GALNT17: variants seen among roughly 807,000 people sequenced by gnomAD.
GALNT17 encodes the protein polypeptide N-acetylgalactosaminyltransferase 17.
GALNT17 carries 29 observed loss-of-function variants against 63.7 expected under a neutral mutation model. That is an observed-to-expected ratio of 0.46 (90% CI 0.34 to 0.62). GALNT17 has a LOEUF of 0.62. GALNT17 is among the 20% of genes least tolerant of loss of function. GALNT17 has a pLI of 0.01. For missense variants in GALNT17, 603 were observed against 799.6 expected (o/e 0.75, Z 2.97); for synonymous variants, 305 against 318.3 (o/e 0.96, Z 0.45).
chr7:71,682,261 C>T (rs966042402), intron 9 of GALNT17, among the ~76,000 whole-genome samples: 2 of 152,194 alleles, frequency 1.3e-5, no homozygotes, highest in East Asian at 1.9e-4. Flanking sequence ...TCAGGAAGCA[C>T]GTGGGTGAAC....
chr7:71,488,530 T>C (rs1219652360), intron 5 of GALNT17, among the ~76,000 whole-genome samples: 1 of 149,722 alleles, frequency 6.7e-6, no homozygotes, highest in African/African-American at 2.5e-5. Flanking sequence ...CAATCCCAGC[T>C]CCACCCCCAG....
At chr7:71,432,769 G>C (rs1054294981) in intron 5 of GALNT17, among the ~76,000 whole-genome samples, 1 of 152,126 alleles carries the variant, frequency 6.6e-6, no homozygotes, top group Non-Finnish European at 1.5e-5. Context: ...GGAGTTCAAG[G>C]CCAGCTTGGA....
intron 1 of GALNT17, among the ~76,000 whole-genome samples, chr7:71,163,429 T>G (rs77209860): frequency 0.01 from 1,546 of 152,250 alleles, 21 homozygotes; most frequent in African/African-American, 0.034. Flanking sequence ...TTTGATAAAA[T>G]GTTCTTGGTG....
At chr7:71,381,560 C>G (rs1251947327) in intron 2 of GALNT17, among the ~76,000 whole-genome samples, 1 of 152,060 alleles carries the variant, frequency 6.6e-6, no homozygotes, top group African/African-American at 2.4e-5. Flanking sequence ...GGGCGGATCA[C>G]CTGAGGTCAG....
At chr7:71,152,902 G>A (rs1336099737) in intron 1 of GALNT17, among the ~76,000 whole-genome samples, 1 of 152,146 alleles carries the variant, frequency 6.6e-6, no homozygotes, top group Non-Finnish European at 1.5e-5. Context: ...CAAAGTGCTA[G>A]GATTACAGGT....
intron 2 of GALNT17, among the ~76,000 whole-genome samples, chr7:71,358,032 C>T (rs996092486): frequency 5.9e-5 from 9 of 152,172 alleles, no homozygotes; most frequent in African/African-American, 1.7e-4. Context: ...AGCGGCAACC[C>T]GCTCGGGTCC....
At chr7:71,512,630 T>G (rs1482981179) in intron 5 of GALNT17, among the ~76,000 whole-genome samples, 1 of 152,188 alleles carries the variant, frequency 6.6e-6, no homozygotes, top group African/African-American at 2.4e-5. Flanking sequence ...TGAGAGACCA[T>G]TGAGGCTGGA....
At chr7:71,255,070 A>G (rs1211213773) in intron 1 of GALNT17, among the ~76,000 whole-genome samples, 2 of 152,236 alleles carry the variant, frequency 1.3e-5, no homozygotes, top group Admixed American at 6.5e-5. Context: ...ACATTTCCCC[A>G]GTGGATTCCT....
chr7:71,485,173 A>G (rs1365451731), intron 5 of GALNT17, among the ~76,000 whole-genome samples: 2 of 150,682 alleles, frequency 1.3e-5, no homozygotes, highest in East Asian at 1.9e-4. Flanking sequence ...TGGCACCATC[A>G]TAGCTCACTG....
intron 1 of GALNT17, among the ~76,000 whole-genome samples, chr7:71,172,138 GAGA>G (rs895910028): frequency 3.9e-5 from 6 of 152,280 alleles, no homozygotes; most frequent in African/African-American, 1.4e-4. Context: ...GCGAAGAAGT[GAGA>G]AGGAGAAGTT....
At chr7:71,657,120 G>A (rs1790840243) in intron 6 of GALNT17, among the ~76,000 whole-genome samples, 1 of 152,120 alleles carries the variant, frequency 6.6e-6, no homozygotes, top group Non-Finnish European at 1.5e-5. Flanking sequence ...GACAAGACCA[G>A]ACCTTGAATA....
chr7:71,366,111 A>G (rs142354220), intron 2 of GALNT17, among the ~76,000 whole-genome samples: 1,956 of 152,214 alleles, frequency 0.013, 36 homozygotes, highest in African/African-American at 0.044. Flanking sequence ...CTGAGCTGAC[A>G]GGAGGCAGAT....
chr7:71,322,437 G>A (rs1320729504), intron 1 of GALNT17, among the ~76,000 whole-genome samples: 2 of 152,298 alleles, frequency 1.3e-5, no homozygotes, highest in Non-Finnish European at 2.9e-5. Context: ...GTCTAACAAT[G>A]ATTCATATCT....
At chr7:71,693,648 G>A (rs959874823) in intron 9 of GALNT17, among the ~76,000 whole-genome samples, 3 of 151,730 alleles carry the variant, frequency 2.0e-5, no homozygotes, top group African/African-American at 7.3e-5. Context: ...GCCTATTGGA[G>A]GGTAGGGGGT....
chr7:71,421,179 C>A (rs1205576714), intron 5 of GALNT17, 74 bp downstream of exon 5: 2 of 1,530,738 alleles, frequency 1.3e-6, no homozygotes, highest in African/African-American at 2.7e-5. Context: ...TGAGAGAGGC[C>A]AGGAAAGCCT....
chr7:71,367,372 TGA>T (rs140464646), intron 2 of GALNT17, among the ~76,000 whole-genome samples: 1,974 of 152,272 alleles, frequency 0.013, 10 homozygotes, highest in Non-Finnish European at 0.018. Flanking sequence ...GGGTTTACCT[TGA>T]CATGTGTGCA....
chr7:71,332,232 C>T (rs1791819343), intron 1 of GALNT17, among the ~76,000 whole-genome samples: 1 of 151,490 alleles, frequency 6.6e-6, no homozygotes, highest in African/African-American at 2.4e-5. Flanking sequence ...GCAATTTTTG[C>T]CCCTAGTTCT....
At chr7:71,138,393 G>A (rs1375920188) in intron 1 of GALNT17, among the ~76,000 whole-genome samples, 3 of 152,024 alleles carry the variant, frequency 2.0e-5, no homozygotes, top group Non-Finnish European at 2.9e-5. Flanking sequence ...TGTTGTAAAG[G>A]TCTTCATCCT....
intron 5 of GALNT17, among the ~76,000 whole-genome samples, chr7:71,546,285 T>C (rs7790450): frequency 0.72 from 109,344 of 151,596 alleles, 39,746 homozygotes; most frequent in Non-Finnish European, 0.75. Flanking sequence ...CTCAGCCTCC[T>C]GAGTAGCTGG....
Sources: gnomAD v4.1 joint callset for allele counts (sites outside exome capture counted in the v4.1 genomes callset) on GRCh38, gnomAD v4.1.1 for gene constraint, MANE v1.5 for transcripts, NCBI Gene and HGNC (gene_info 2026-07-23, HGNC 2026-07-21) for gene names.